Variants in DUSP15 observed in about 807,000 individuals in gnomAD.
DUSP15 encodes dual specificity protein phosphatase 15.
DUSP15 carries 23 observed loss-of-function variants against 26.3 expected under a neutral mutation model. The observed-to-expected ratio is 0.87, with a 90% CI of 0.63 to 1.24. The LOEUF is 1.24. DUSP15 is among the 50% of genes most tolerant of loss of function. The pLI is 0.00. For synonymous variants in DUSP15, 143 were observed against 135.5 expected (o/e 1.06, Z -0.39); for missense variants, 364 against 320.6 (o/e 1.14, Z -1.03).
At chr20:31,867,881 G>A (rs1212790196) in intron 2 of DUSP15, among the ~76,000 whole-genome samples, 1 of 152,066 alleles carries the variant, frequency 6.6e-6, no homozygotes, top group Non-Finnish European at 1.5e-5. Context: ...TCCTGACCTC[G>A]TGATCCGCCC....
At chr20:31,869,244 C>T (rs540966127) in intron 2 of DUSP15, among the ~76,000 whole-genome samples, 5 of 152,158 alleles carry the variant, frequency 3.3e-5, no homozygotes, top group African/African-American at 4.8e-5. Context: ...CAGGTGTAGA[C>T]TTGCTCAGGT....
In DUSP15 at chr20:31,870,358, G is replaced by T. The variant is rs1422514254; in HGVS notation, c.-21C>A. The T allele has an allele frequency of 2.3e-6, 3 of 1,278,190 alleles. No homozygotes were observed. Among genetic ancestry groups the T allele is most frequent in the South Asian group, 3.4e-5 (1 of 29,154 alleles). 79.2% of individuals were successfully genotyped at this position (1,278,190 alleles called of 1,614,324 possible). ...CCCATGATCCCGGGGGCGGCGGTCC[G>T]GGTGCACCCCCAGCTCGCCGCCCGG... On this transcript the variant is annotated 5_prime_UTR_variant, in exon 1 of 7. Transcript: ENST00000339738. This position sits in a 1 kb window ranked among gnomAD's most constrained non-coding sequence, Gnocchi z 6.6.
At chr20:31,848,619 G>A in intron 9 of DUSP15, 1 of 1,496,644 alleles carries the variant, frequency 6.7e-7, no homozygotes, top group South Asian at 1.3e-5. Flanking sequence ...CGCCTCGGAT[G>A]TTCCCATGGG....
Position 31,861,394 on chromosome 20 carries a change from A to G in DUSP15, c.*9T>C. On this transcript the variant is annotated 3_prime_UTR_variant, in exon 7 of 7. Coordinates refer to ENST00000339738, the MANE Select transcript of DUSP15 (RefSeq NM_080611.5). ...GTCGGAAGTGGGGAGCCACGGCTGG[A>G]CTGCATCCTCACTTGCCGCCCTTGC... The G allele has an allele frequency of 6.5e-7, 1 of 1,544,684 alleles. No individual in the cohort carries two copies. Among genetic ancestry groups the G allele is most frequent in the Non-Finnish European group, 8.7e-7 (1 of 1,156,058 alleles).
chr20:31,863,862 G>A (rs1394437899), intron 5 of DUSP15, 45 bp downstream of exon 5: 6 of 1,578,796 alleles, frequency 3.8e-6, no homozygotes, highest in Non-Finnish European at 4.4e-6. Flanking sequence ...AGAGGGCACA[G>A]CCACTTCCTT....
At chr20:31,862,797 C>T in intron 5 of DUSP15, 55 bp from the exon 6 acceptor site, 1 of 1,502,322 alleles carries the variant, frequency 6.7e-7, no homozygotes, top group Non-Finnish European at 8.9e-7. Flanking sequence ...TCCTCCATGC[C>T]CCCAGGCACC....
downstream of DUSP15, among the ~76,000 whole-genome samples, chr20:31,858,086 G>T (rs569041350): frequency 5.3e-4 from 81 of 152,290 alleles, 1 homozygote; most frequent in Non-Finnish European, 1.1e-3. This position sits in a 1 kb window ranked among gnomAD's most constrained non-coding sequence, Gnocchi z 4.4. Flanking sequence ...CAGTGCTGGG[G>T]CAACTTGTGT....
chr20:31,867,001 A>G, intron 3 of DUSP15, 70 bp downstream of exon 3: 2 of 1,402,810 alleles, frequency 1.4e-6, no homozygotes, highest in Non-Finnish European at 2.0e-6. Context: ...CCTAGCACAT[A>G]GTAGATATTT....
intron 5 of DUSP15, 88 bp downstream of exon 5, chr20:31,863,819 C>A (rs1397704322): frequency 2.2e-6 from 3 of 1,363,916 alleles, no homozygotes; most frequent in East Asian, 4.7e-5. Flanking sequence ...CCTCACAGGT[C>A]CAACCTTCCC....
chr20:31,864,877 C>A, intron 4 of DUSP15, 76 bp downstream of exon 4: 1 of 1,513,844 alleles, frequency 6.6e-7, no homozygotes, highest in Non-Finnish European at 9.2e-7. Flanking sequence ...CTTTGTCCTC[C>A]TTCAAACCCC....
chr20:31,848,849 G>A (rs755492560), exon 9 of DUSP15: 5 of 1,612,224 alleles, frequency 3.1e-6, no homozygotes, highest in Non-Finnish European at 3.4e-6. Context: ...TGTGGGGCCC[G>A]GGTCCTCCTC....
intron 2 of DUSP15, among the ~76,000 whole-genome samples, chr20:31,868,476 CTTTTTTTTTTT>C (rs35862553): frequency 1.0e-5 from 1 of 97,330 alleles, no homozygotes; most frequent in Non-Finnish European, 2.0e-5. Context: ...TTTTCTTTCT[CTTTTTTTTTTT>C]TTTTTTTTTT....
Position 31,870,187 on chromosome 20 carries a change from G to C in DUSP15, c.21+130C>G. The C allele has an allele frequency of 2.4e-6, 3 of 1,225,784 alleles. No individual in the cohort carries two copies. The highest frequency in any genetic ancestry group is 3.0e-6 in the Non-Finnish European group (3 of 983,696). 75.9% of individuals were successfully genotyped at this position (1,225,784 alleles called of 1,614,324 possible). A position where few individuals can be genotyped will look rare whatever the true frequency, so the allele number is the denominator to read the frequency against. ...GACAGCCGCGGTCTCGAGTCACAGGGACACGGAGATGCCGCCGCACGGAGA... is the reference window on the plus strand; with the variant it reads ...GACAGCCGCGGTCTCGAGTCACAGGCACACGGAGATGCCGCCGCACGGAGA... On this transcript the variant is annotated intron_variant, in intron 1 of 6. Coordinates refer to ENST00000339738, the MANE Select transcript of DUSP15 (RefSeq NM_080611.5). The surrounding 1 kb of genome is among the most constrained non-coding windows in gnomAD (Gnocchi z 6.6).
At chr20:31,846,117 GAGACACACAGACACAGACACAC>G (rs1364868408), downstream of DUSP15, among the ~76,000 whole-genome samples, 1 of 74,704 alleles carries the variant, frequency 1.3e-5, no homozygotes, top group African/African-American at 1.4e-4. Context: ...CAGACACACA[GAGACACACAGACACAGACACAC>G]ACACAGACAC....
chr20:31,863,595 A>G (rs757108496), intron 5 of DUSP15: 19 of 298,920 alleles, frequency 6.4e-5, no homozygotes, highest in Non-Finnish European at 9.6e-5. Context: ...GAACTACTGG[A>G]GGGTGATGAG....
rs997626141 is a variant in DUSP15, at chr20:31,850,808, G to A, written c.427-132C>T. On this transcript the variant is annotated intron_variant, in intron 6 of 9. Coordinates refer to the DUSP15 transcript ENST00000278979. ...TTACTGTGGTCAACCAAAGGGCCTG[G>A]AGGAGGATGGGTGGTAGTAAGGAAC... The A allele has an allele frequency of 8.6e-6, 8 of 925,710 alleles. No individual in the cohort carries two copies. In the African/African-American group the frequency reaches 1.3e-4, roughly 15 times the overall value. 57.3% of individuals were successfully genotyped at this position (925,710 alleles called of 1,614,324 possible). A position where few individuals can be genotyped will look rare whatever the true frequency, so the allele number is the denominator to read the frequency against.
chr20:31,848,833 G>C (rs1249284193), exon 9 of DUSP15: 27 of 1,612,126 alleles, frequency 1.7e-5, no homozygotes, highest in Non-Finnish European at 2.3e-5. Flanking sequence ...GCTCCTTGGG[G>C]TGCTGTGTGG....
At chr20:31,858,120 G>A (rs1033708979), downstream of DUSP15, among the ~76,000 whole-genome samples, 2 of 152,196 alleles carry the variant, frequency 1.3e-5, no homozygotes, top group African/African-American at 2.4e-5. The surrounding 1 kb of genome is among the most constrained non-coding windows in gnomAD (Gnocchi z 4.4). Flanking sequence ...AGTGCTGAGC[G>A]TCTCCAGTCC....
downstream of DUSP15, among the ~76,000 whole-genome samples, chr20:31,860,100 A>T (rs1162087793): frequency 6.6e-6 from 1 of 152,228 alleles, no homozygotes; most frequent in Non-Finnish European, 1.5e-5. Context: ...TGTCAGCAAC[A>T]TGAAGGCAGA....
Sources: gnomAD v4.1 joint callset for allele counts (sites outside exome capture counted in the v4.1 genomes callset) on GRCh38, gnomAD v4.1.1 for gene constraint, Gnocchi (gnomAD v3.1) non-coding constraint, MANE v1.5 for transcripts, NCBI Gene and HGNC (gene_info 2026-07-23, HGNC 2026-07-21) for gene names.